The following SNAP29 variants were observed in gnomAD, a reference collection of about 807,000 sequenced individuals.
SNAP29 encodes the protein synaptosomal-associated protein 29.
SNAP29 carries 13 observed loss-of-function variants against 27.9 expected under a neutral mutation model. That is an observed-to-expected ratio of 0.47 (90% confidence interval 0.30 to 0.74). The LOEUF (loss-of-function observed/expected upper bound fraction) is 0.74, where lower values mean the gene tolerates loss of function less well. SNAP29 is among the 30% of genes least tolerant of loss of function. SNAP29 has a pLI of 0.06. For missense variants in SNAP29, 368 were observed against 336.5 expected (o/e 1.09, Z -0.73); for synonymous variants, 119 against 127.1 (o/e 0.94, Z 0.43).
At chr22:20,876,971 A>AAGCTGCTTGTTCT (rs1928762781) in intron 2 of SNAP29, among the ~76,000 whole-genome samples, 1 of 152,134 alleles carries the variant, frequency 6.6e-6, no homozygotes, top group African/African-American at 2.4e-5. Flanking sequence ...ACAGCTTTCC[A>AAGCTGCTTGTTCT]AGCTGCTTGT....
At chr22:20,887,651 G>A (rs772086636) in intron 4 of SNAP29, 28 bp from the exon 5 acceptor site, 3 of 1,613,998 alleles carry the variant, frequency 1.9e-6, no homozygotes, top group Admixed American at 1.7e-5. Context: ...GTTTGCTCAT[G>A]CCTGCGTGTC....
intron 2 of SNAP29, among the ~76,000 whole-genome samples, chr22:20,872,881 G>A (rs1928631354): frequency 7.5e-6 from 1 of 134,008 alleles, no homozygotes; most frequent in African/African-American, 2.8e-5. Flanking sequence ...CCAGGCTGGA[G>A]TGCAGTGGCA....
At chr22:20,860,343 C>G (rs1156805075) in intron 1 of SNAP29, among the ~76,000 whole-genome samples, 1 of 150,722 alleles carries the variant, frequency 6.6e-6, no homozygotes. Context: ...GGCAACAGAC[C>G]GAGATCCTGG....
intron 2 of SNAP29, among the ~76,000 whole-genome samples, chr22:20,876,504 C>T (rs1034785924): frequency 1.4e-4 from 21 of 151,648 alleles, no homozygotes; most frequent in Admixed American, 5.3e-4. Flanking sequence ...CTGATCTTCC[C>T]GCCTCAGCCT....
intron 2 of SNAP29, among the ~76,000 whole-genome samples, chr22:20,874,267 A>G (rs1169308850): frequency 6.7e-6 from 1 of 150,012 alleles, no homozygotes; most frequent in Non-Finnish European, 1.5e-5. Context: ...ACGCCACTGC[A>G]CTCCAGCCTG....
rs1361070981 is a variant in SNAP29, at chr22:20,890,381, A to G, written c.*2545A>G. 3 of 398,454 alleles carry G rather than the reference A, an allele frequency of 7.5e-6. No individual in the cohort carries two copies. The highest frequency in any genetic ancestry group is 2.1e-5 in the African/African-American group (1 of 48,608). The allele number at this position is 398,454 out of a possible 1,614,324, so 24.7% of individuals were successfully genotyped here. A position where few individuals can be genotyped will look rare whatever the true frequency, so the allele number is the denominator to read the frequency against. On this transcript the variant is annotated 3_prime_UTR_variant, in exon 5 of 5. Transcript: ENST00000215730. ...GTACTGCAGACAGATTTTGATTTCC[A>G]CAGTTGAGCTGGAAACAAACTGTGC...
intron 4 of SNAP29, 39 bp downstream of exon 4, chr22:20,883,608 T>C (rs1359161291): frequency 7.4e-7 from 1 of 1,349,098 alleles, no homozygotes; most frequent in African/African-American, 1.4e-5. Flanking sequence ...TAAGCCACTG[T>C]CCTTCAGGCA....
chr22:20,872,450 G>A (rs1346510382), intron 2 of SNAP29, among the ~76,000 whole-genome samples: 2 of 151,866 alleles, frequency 1.3e-5, no homozygotes, highest in Non-Finnish European at 2.9e-5. Flanking sequence ...ACCCAGGCTG[G>A]AGTGCAGTGG....
intron 2 of SNAP29, among the ~76,000 whole-genome samples, chr22:20,871,367 T>G (rs1035399254): frequency 6.7e-6 from 1 of 150,056 alleles, no homozygotes; most frequent in African/African-American, 2.5e-5. Context: ...CCTATATTCC[T>G]AGCTACAGGG....
Position 20,889,690 on chromosome 22 carries a change from A to G in SNAP29, c.*1854A>G, listed in dbSNP as rs986126482. 6.6e-6 allele frequency: 1 copy of G among 152,222 alleles called. No individual in the cohort carries two copies. Among genetic ancestry groups the G allele is most frequent in the African/African-American group, 2.4e-5 (1 of 41,460 alleles). 9.4% of individuals were successfully genotyped at this position (152,222 alleles called of 1,614,324 possible). On this transcript the variant is annotated 3_prime_UTR_variant, in exon 5 of 5. Coordinates refer to ENST00000215730, the MANE Select transcript of SNAP29 (RefSeq NM_004782.4). ...GTAATTGTTTCTGGTTCTTTCCTCTAACACCTTCCATGTATGTCAACTTTT... is the reference window on the plus strand; with the variant it reads ...GTAATTGTTTCTGGTTCTTTCCTCTGACACCTTCCATGTATGTCAACTTTT...
At position 20,871,482 on chromosome 22, in the gene SNAP29, TAAAAAAAAAAA is replaced by T. The variant is rs58294079; in HGVS notation, c.434+962_434+972del. On this transcript the variant is annotated intron_variant, in intron 2 of 4. Coordinates refer to ENST00000215730, the MANE Select transcript of SNAP29 (RefSeq NM_004782.4). Reference sequence around the variant, plus strand: ...ATCAGTGACAGAGTCTCCCTGTCTCTAAAAAAAAAAAAAAAAAAAAAAAGATTTAAAGCTAA... The same window carrying T: ...ATCAGTGACAGAGTCTCCCTGTCTCTAAAAAAAAAAAAGATTTAAAGCTAA... Among the ~76,000 whole-genome samples, 14 of 64,156 alleles carry T rather than the reference TAAAAAAAAAAA, an allele frequency of 2.2e-4. No homozygotes were observed. The South Asian group carries it at 6.8e-3, about 31-fold the overall frequency. The allele number at this position is 64,156 out of a possible 152,430, so 42.1% of individuals were successfully genotyped here.
At chr22:20,862,367 A>C (rs922942164) in intron 1 of SNAP29, among the ~76,000 whole-genome samples, 6 of 152,176 alleles carry the variant, frequency 3.9e-5, no homozygotes, top group African/African-American at 1.2e-4. Flanking sequence ...AGGTTTACAC[A>C]AGAGGAGTGA....
At chr22:20,865,903 G>T (rs1928447530) in intron 1 of SNAP29, among the ~76,000 whole-genome samples, 1 of 152,164 alleles carries the variant, frequency 6.6e-6, no homozygotes, top group Non-Finnish European at 1.5e-5. Context: ...AGTTTTTTGG[G>T]GAGTCTGTCA....
intron 4 of SNAP29, 136 bp from the exon 5 acceptor site, chr22:20,887,543 A>C: frequency 1.1e-6 from 1 of 886,652 alleles, no homozygotes; most frequent in Non-Finnish European, 1.9e-6. Context: ...TTAAGTCAAG[A>C]CTCATCTCTG....
intron 2 of SNAP29, among the ~76,000 whole-genome samples, chr22:20,878,447 G>A (rs1049156603): frequency 2.6e-5 from 4 of 152,116 alleles, no homozygotes; most frequent in Middle Eastern, 3.4e-3. Context: ...GCGTGGTGGC[G>A]GGCGCCTGTA....
intron 2 of SNAP29, chr22:20,870,830 A>G (rs962774412): frequency 1.1e-5 from 5 of 454,030 alleles, no homozygotes; most frequent in Admixed American, 1.0e-4. Context: ...CACTTCACAT[A>G]ATTTTTGCTT....
intron 2 of SNAP29, among the ~76,000 whole-genome samples, chr22:20,875,154 T>C (rs1358357909): frequency 2.0e-5 from 3 of 152,152 alleles, no homozygotes. Flanking sequence ...AAGGCTTCCA[T>C]CAGTGAGGCA....
chr22:20,869,130 G>A (rs1269849361), intron 1 of SNAP29, among the ~76,000 whole-genome samples: 1 of 152,206 alleles, frequency 6.6e-6, no homozygotes, highest in Admixed American at 6.5e-5. Flanking sequence ...CATGGTGGCA[G>A]GCGCCTGGAA....
At chr22:20,887,370 C>T (rs1390524314) in intron 4 of SNAP29, among the ~76,000 whole-genome samples, 1 of 152,080 alleles carries the variant, frequency 6.6e-6, no homozygotes, top group African/African-American at 2.4e-5. Flanking sequence ...CTTCTCTCTC[C>T]TCTCTGGCTC....
Sources: gnomAD v4.1 joint callset for allele counts (sites outside exome capture counted in the v4.1 genomes callset) on GRCh38, gnomAD v4.1.1 for gene constraint, MANE v1.5 for transcripts, NCBI Gene and HGNC (gene_info 2026-07-23, HGNC 2026-07-21) for gene names.